Variants in NRXN3 observed in about 807,000 individuals in gnomAD.
NRXN3 encodes neurexin III.
A neutral mutation model predicts 137.6 loss-of-function variants in NRXN3; 32 were observed. That is an observed-to-expected ratio of 0.23 (90% CI 0.18 to 0.31). The LOEUF (loss-of-function observed/expected upper bound fraction) is 0.31. NRXN3 is among the 10% of genes least tolerant of loss of function. The pLI, the probability that NRXN3 is intolerant of heterozygous loss-of-function variation, is 1.00. For synonymous variants in NRXN3, 798 were observed against 784.5 expected (o/e 1.02, Z -0.29); for missense variants, 1,574 against 2,062.5 (o/e 0.76, Z 4.59).
At chr14:79,595,132 A>G (rs1402088554) in intron 16 of NRXN3, among the ~76,000 whole-genome samples, 1 of 152,218 alleles carries the variant, frequency 6.6e-6, no homozygotes, top group East Asian at 1.9e-4. Context: ...TTGGTGGCCA[A>G]CAGGTCTTCC....
chr14:78,823,676 G>A (rs1338826851), intron 10 of NRXN3, among the ~76,000 whole-genome samples: 2 of 152,186 alleles, frequency 1.3e-5, no homozygotes, highest in East Asian at 3.9e-4. Flanking sequence ...CTGAGAGCAA[G>A]CACATTGAGG....
chr14:79,239,363 G>T lies in NRXN3; in HGVS notation c.3263-227858G>T, dbSNP rs377016051. ...TAAAGAAATAGTGGATAATAACAAT[G>T]AGAAGATAGATTGGGGCCTTTAATT... On this transcript the variant is annotated intron_variant, in intron 15 of 20. Transcript: ENST00000335750. Among the ~76,000 whole-genome samples, 10 of 152,240 alleles carry T rather than the reference G, an allele frequency of 6.6e-5. No individual in the cohort carries two copies. In the East Asian group the frequency reaches 1.6e-3, roughly 24 times the overall value.
At position 79,853,852 on chromosome 14, in the gene NRXN3, C is replaced by T. The variant is rs932796822; in HGVS notation, c.4094-7490C>T. The stretch of plus-strand genomic sequence containing the variant: ...TAGAGTCATAGAATTTTTTGAAAGG[C>T]AAATTATAAAAGTAAACAGGTTTTT... On this transcript the variant is annotated intron_variant, in intron 20 of 20. Transcript: ENST00000335750. 6 of 983,236 alleles carry T rather than the reference C, an allele frequency of 6.1e-6. No homozygotes were observed. The African/African-American group carries it at 8.8e-5, about 14-fold the overall frequency. 60.9% of individuals were successfully genotyped at this position (983,236 alleles called of 1,614,324 possible).
intron 19 of NRXN3, among the ~76,000 whole-genome samples, chr14:79,712,232 C>CTAT (rs1174045651): frequency 1.2e-4 from 19 of 152,152 alleles, no homozygotes; most frequent in Admixed American, 3.3e-4. Context: ...GCTTGCATTT[C>CTAT]TATTTCTTGA....
intron 10 of NRXN3, among the ~76,000 whole-genome samples, chr14:78,887,667 G>A (rs1292296277): frequency 2.0e-5 from 3 of 152,110 alleles, no homozygotes; most frequent in East Asian, 1.9e-4. Context: ...TCTAAAATAC[G>A]AGTAAACATT....
At chr14:78,780,119 G>C (rs2098763633) in intron 8 of NRXN3, among the ~76,000 whole-genome samples, 1 of 152,144 alleles carries the variant, frequency 6.6e-6, no homozygotes, top group South Asian at 2.1e-4. Context: ...AGGCACACCA[G>C]CCTGTGGGAC....
intron 15 of NRXN3, among the ~76,000 whole-genome samples, chr14:79,244,619 G>A (rs1367960328): frequency 6.6e-6 from 1 of 152,130 alleles, no homozygotes; most frequent in Non-Finnish European, 1.5e-5. Context: ...AATTCTTAGT[G>A]CTAGATCTGT....
In NRXN3 at chr14:79,080,275, C is replaced by A. The variant is rs556548928; in HGVS notation, c.3262+92134C>A. 4.6e-5 allele frequency among the ~76,000 whole-genome samples: 7 copies of A among 152,236 alleles called. No individual in the cohort carries two copies. The East Asian group carries it at 1.4e-3, about 29-fold the overall frequency. ...GTCCTTGACTCACTCAATTTCAAAG[C>A]AAATTCAATTTGATCTCTTGCCTAA... is the stretch of plus-strand genomic sequence containing the variant. On this transcript the variant is annotated intron_variant, in intron 15 of 20. Coordinates refer to ENST00000335750, the MANE Select transcript of NRXN3 (RefSeq NM_001330195.2).
intron 4 of NRXN3, among the ~76,000 whole-genome samples, chr14:78,402,290 G>A (rs936568868): frequency 1.3e-5 from 2 of 152,206 alleles, no homozygotes; most frequent in African/African-American, 4.8e-5. Flanking sequence ...GTCAGAATAA[G>A]TGATTACTTG....
At chr14:78,584,793 G>A (rs1436198687) in intron 4 of NRXN3, among the ~76,000 whole-genome samples, 8 of 152,306 alleles carry the variant, frequency 5.3e-5, no homozygotes, top group South Asian at 2.1e-4. Flanking sequence ...GTGTTCTAGC[G>A]TCAAATCATC....
At chr14:78,690,781 A>G (rs2098164175) in intron 6 of NRXN3, among the ~76,000 whole-genome samples, 1 of 152,212 alleles carries the variant, frequency 6.6e-6, no homozygotes, top group Admixed American at 6.5e-5. Flanking sequence ...GGAGGAACCG[A>G]TGAGTTTGCT....
intron 4 of NRXN3, among the ~76,000 whole-genome samples, chr14:78,363,426 T>C (rs748215138): frequency 1.1e-4 from 17 of 152,242 alleles, no homozygotes; most frequent in African/African-American, 1.7e-4. Context: ...ACATGCTAAC[T>C]CCTGGATTCT....
intron 15 of NRXN3, among the ~76,000 whole-genome samples, chr14:79,307,796 A>AT (rs997604156): frequency 2.7e-5 from 4 of 147,058 alleles, no homozygotes; most frequent in Non-Finnish European, 4.5e-5. Flanking sequence ...CTCTTTCTTT[A>AT]TTTTTTTTCT....
chr14:78,268,391 T>C (rs1200100955), intron 2 of NRXN3, among the ~76,000 whole-genome samples: 1 of 152,220 alleles, frequency 6.6e-6, no homozygotes, highest in African/African-American at 2.4e-5. Context: ...ATCCTTTCTC[T>C]GAAATATGGC....
chr14:78,599,014 G>A (rs1237537572), intron 4 of NRXN3, among the ~76,000 whole-genome samples: 2 of 152,220 alleles, frequency 1.3e-5, no homozygotes, highest in African/African-American at 4.8e-5. Context: ...TACCCTGACG[G>A]TTGCCCTTTG....
chr14:78,901,049 A>G (rs2099194397), intron 10 of NRXN3, among the ~76,000 whole-genome samples: 1 of 152,008 alleles, frequency 6.6e-6, no homozygotes, highest in Non-Finnish European at 1.5e-5. Flanking sequence ...ATAATATTCC[A>G]TCCCTTTTCT....
At chr14:79,201,347 G>C (rs2065977279) in intron 15 of NRXN3, 2 of 152,106 alleles carry the variant, frequency 1.3e-5, no homozygotes, top group Admixed American at 1.3e-4. Flanking sequence ...ATATTTGCAT[G>C]AATTTATGAA....
At chr14:78,185,668 A>T (rs1416488637) in intron 1 of NRXN3, among the ~76,000 whole-genome samples, 1 of 152,188 alleles carries the variant, frequency 6.6e-6, no homozygotes, top group Non-Finnish European at 1.5e-5. Context: ...ATATAATCTC[A>T]GCCTAGGCTG....
At chr14:78,675,415 A>C (rs2152726777) in intron 6 of NRXN3, among the ~76,000 whole-genome samples, 1 of 152,344 alleles carries the variant, frequency 6.6e-6, no homozygotes, top group South Asian at 2.1e-4. Context: ...AAGGAAGAAG[A>C]GAAGCCAAGT....
Sources: gnomAD v4.1 joint callset for allele counts (sites outside exome capture counted in the v4.1 genomes callset) on GRCh38, gnomAD v4.1.1 for gene constraint, MANE v1.5 for transcripts, NCBI Gene and HGNC (gene_info 2026-07-23, HGNC 2026-07-21) for gene names.